The following ZSWIM6 variants were observed in gnomAD, a reference collection of about 807,000 sequenced individuals.
ZSWIM6 encodes zinc finger SWIM domain-containing protein 6.
In ZSWIM6, 9 loss-of-function variants were observed where a neutral mutation model predicts 113.2. That is an observed-to-expected ratio of 0.08 (90% CI 0.05 to 0.14). The LOEUF (loss-of-function observed/expected upper bound fraction) is 0.14, where lower values mean the gene tolerates loss of function less well. Ranked by LOEUF, ZSWIM6 falls within the 10% of genes least tolerant of loss-of-function variation. The pLI is 1.00. For synonymous variants in ZSWIM6, 611 were observed against 606.5 expected (o/e 1.01, Z -0.11); for missense variants, 1,162 against 1,552.2 (o/e 0.75, Z 4.22).
intron 1 of ZSWIM6, among the ~76,000 whole-genome samples, chr5:61,360,452 G>A (rs923266468): frequency 2.0e-5 from 3 of 152,246 alleles, no homozygotes; most frequent in Non-Finnish European, 4.4e-5. Context: ...AAATAGGCAT[G>A]GAGAAGGTAA....
chr5:61,540,656 T>G (rs1749703649), intron 12 of ZSWIM6, among the ~76,000 whole-genome samples: 2 of 152,302 alleles, frequency 1.3e-5, no homozygotes, highest in South Asian at 4.1e-4. Flanking sequence ...GTTTTTTGTT[T>G]TTTTTTAATT....
chr5:61,367,053 A>T (rs1745173579), intron 1 of ZSWIM6, among the ~76,000 whole-genome samples: 1 of 152,170 alleles, frequency 6.6e-6, no homozygotes, highest in Admixed American at 6.5e-5. Flanking sequence ...AGACTTAAGA[A>T]TTCAACAAGA....
chr5:61,524,164 A>G (rs1270760872), intron 5 of ZSWIM6, among the ~76,000 whole-genome samples: 5 of 152,216 alleles, frequency 3.3e-5, no homozygotes, highest in African/African-American at 1.2e-4. Context: ...CATTTGATCA[A>G]TTGACTGTGA....
At chr5:61,342,790 A>T (rs993145740) in intron 1 of ZSWIM6, among the ~76,000 whole-genome samples, 1 of 152,200 alleles carries the variant, frequency 6.6e-6, no homozygotes, top group Non-Finnish European at 1.5e-5. Flanking sequence ...TATAATATTG[A>T]TCATCTTAAC....
chr5:61,437,717 CAAAAAAAAAAA>C (rs1177075747), intron 1 of ZSWIM6, among the ~76,000 whole-genome samples: 3 of 56,870 alleles, frequency 5.3e-5, no homozygotes, highest in African/African-American at 6.9e-5. Flanking sequence ...ACCCTTTCTC[CAAAAAAAAAAA>C]AAAAAAAAAA....
chr5:61,346,417 C>T (rs1468498509), intron 1 of ZSWIM6, among the ~76,000 whole-genome samples: 1 of 152,106 alleles, frequency 6.6e-6, no homozygotes. Context: ...GTAGATAATT[C>T]AAAAGTGGCC....
chr5:61,540,231 G>T (rs2112290920), intron 12 of ZSWIM6, among the ~76,000 whole-genome samples: 1 of 152,310 alleles, frequency 6.6e-6, no homozygotes, highest in South Asian at 2.1e-4. Flanking sequence ...TAAAGGAGGA[G>T]TGATCGGGCC....
intron 1 of ZSWIM6, among the ~76,000 whole-genome samples, chr5:61,337,243 C>A (rs1279485089): frequency 6.6e-6 from 1 of 152,078 alleles, no homozygotes; most frequent in African/African-American, 2.4e-5. Context: ...TGCACCACTG[C>A]GCTTCAGCCT....
Position 61,545,632 on chromosome 5 carries a change from T to G in ZSWIM6, c.*1315T>G, listed in dbSNP as rs1749868403. The G allele has an allele frequency of 6.6e-6, 1 of 152,154 alleles. No individual in the cohort carries two copies. The highest frequency in any genetic ancestry group is 1.5e-5 in the Non-Finnish European group (1 of 68,034). 9.4% of individuals were successfully genotyped at this position (152,154 alleles called of 1,614,324 possible). A position where few individuals can be genotyped will look rare whatever the true frequency, so the allele number is the denominator to read the frequency against. On this transcript the variant is annotated 3_prime_UTR_variant, in exon 14 of 14. Transcript: ENST00000252744. The stretch of plus-strand genomic sequence containing the variant: ...TGTGCAGGACAGAAAGTTGTGTAGG[T>G]ATGACTGTTCTACTTTTCAGTTTTC...
chr5:61,498,051 C>G (rs1748369854), intron 4 of ZSWIM6, among the ~76,000 whole-genome samples: 1 of 152,062 alleles, frequency 6.6e-6, no homozygotes, highest in Non-Finnish European at 1.5e-5. Flanking sequence ...GTTGATGGCT[C>G]TCTTTTCTTA....
rs917663660 is a variant in ZSWIM6, at chr5:61,393,201, C to T, written c.676+60253C>T. 7.3e-5 allele frequency among the ~76,000 whole-genome samples: 11 copies of T among 151,544 alleles called. No homozygotes were observed. In the East Asian group the frequency reaches 7.8e-4, roughly 11 times the overall value. ...GACTACAGGCGCACACCACCACTCCCGACTAATTTTTTTTTTTTGTATTTT... is the reference window on the plus strand; with the variant it reads ...GACTACAGGCGCACACCACCACTCCTGACTAATTTTTTTTTTTTGTATTTT... On this transcript the variant is annotated intron_variant, in intron 1 of 13. Coordinates refer to ENST00000252744, the MANE Select transcript of ZSWIM6 (RefSeq NM_020928.2).
Position 61,332,895 on chromosome 5 carries a change from G to A in ZSWIM6, c.623G>A (p.Arg208His). ...DGGDETRLPFRRGIALLESGC... is the reference protein window; with the variant it reads ...DGGDETRLPFHRGIALLESGC... ...GGCGACGAGACGCGGCTGCCTTTCCGCCGGGGCATCGCGCTGTTGGAAAGC... is the reference window on the plus strand; with the variant it reads ...GGCGACGAGACGCGGCTGCCTTTCCACCGGGGCATCGCGCTGTTGGAAAGC... The change falls in exon 1 of 14, where the codon CGC (arginine) becomes CAC (histidine). Residue 208 changes from arginine (R) to histidine (H), a missense_variant. Coordinates refer to ENST00000252744, the MANE Select transcript of ZSWIM6 (RefSeq NM_020928.2). 3 of 1,341,716 alleles carry A rather than the reference G, an allele frequency of 2.2e-6. No individual in the cohort carries two copies. The highest frequency in any genetic ancestry group is 2.9e-6 in the Non-Finnish European group (3 of 1,032,408). 83.1% of individuals were successfully genotyped at this position (1,341,716 alleles called of 1,614,324 possible).
intron 1 of ZSWIM6, chr5:61,375,485 A>G (rs1410065577): frequency 1.9e-6 from 3 of 1,555,462 alleles, no homozygotes; most frequent in Non-Finnish European, 2.6e-6. Context: ...GAAGATGAGG[A>G]TAAGAAACAA....
intron 1 of ZSWIM6, among the ~76,000 whole-genome samples, chr5:61,348,214 G>C (rs989230442): frequency 6.6e-6 from 1 of 151,956 alleles, no homozygotes; most frequent in Non-Finnish European, 1.5e-5. Context: ...GAGTGAGACT[G>C]TCTCAAAAAA....
At chr5:61,524,395 A>G (rs1028285912) in intron 5 of ZSWIM6, among the ~76,000 whole-genome samples, 1 of 152,208 alleles carries the variant, frequency 6.6e-6, no homozygotes, top group South Asian at 2.1e-4. Context: ...TGATATGTCT[A>G]CCATTCAGGT....
At chr5:61,534,899 ATTCTTTTTATTAAT>A (rs1269651180) in intron 9 of ZSWIM6, among the ~76,000 whole-genome samples, 1 of 152,084 alleles carries the variant, frequency 6.6e-6, no homozygotes, top group Non-Finnish European at 1.5e-5. Flanking sequence ...ATGGGTAACT[ATTCTTTTTATTAAT>A]AATCACTTTC....
intron 1 of ZSWIM6, among the ~76,000 whole-genome samples, chr5:61,412,122 G>C (rs544566405): frequency 1.3e-5 from 2 of 152,224 alleles, no homozygotes; most frequent in Non-Finnish European, 2.9e-5. Context: ...TTGAAACTTT[G>C]GACAAAGCAC....
intron 2 of ZSWIM6, among the ~76,000 whole-genome samples, chr5:61,474,466 T>C (rs929663094): frequency 4.6e-5 from 7 of 152,348 alleles, no homozygotes; most frequent in African/African-American, 1.7e-4. Context: ...TTAATTTTGG[T>C]AGTATGTTTT....
chr5:61,375,068 G>C (rs1173529780), intron 1 of ZSWIM6: 9 of 1,562,066 alleles, frequency 5.8e-6, no homozygotes, highest in Non-Finnish European at 7.9e-6. Flanking sequence ...AGTCTCTCCG[G>C]CCCGGTTTCC....
Sources: allele counts gnomAD v4.1 joint callset (sites outside exome capture counted in the v4.1 genomes callset), GRCh38; gene constraint gnomAD v4.1.1; transcripts MANE v1.5; gene names NCBI Gene and HGNC (gene_info 2026-07-23, HGNC 2026-07-21).